HTR2C: variants seen among roughly 807,000 people sequenced by gnomAD.
The protein encoded by HTR2C is 5-hydroxytryptamine (serotonin) receptor 2C, G protein-coupled.
A neutral mutation model predicts 21.0 loss-of-function variants in HTR2C; 5 were observed. The observed-to-expected ratio is 0.24, with a 90% CI of 0.12 to 0.50. HTR2C has a LOEUF of 0.50. Ranked by LOEUF, HTR2C falls within the 20% of genes least tolerant of loss-of-function variation. HTR2C has a pLI of 0.98. For synonymous variants in HTR2C, 150 were observed against 145.3 expected (o/e 1.03, Z -0.23); for missense variants, 271 against 371.2 (o/e 0.73, Z 2.22).
At position 114,908,558 on chromosome X, in the gene HTR2C, T is replaced by C. The variant is rs1421980103; in HGVS notation, c.*1143T>C. 1.8e-5 allele frequency: 2 copies of C among 112,036 alleles called. No individual in the cohort carries two copies. Among genetic ancestry groups the C allele is most frequent in the African/African-American group, 3.2e-5 (1 of 30,780 alleles). 9.2% of individuals were successfully genotyped at this position (112,036 alleles called of 1,213,427 possible). ...ACTCGGGATTACAGAAACACGGAGTTTCCATTTGGATTTTAAACAAAATTT... is the reference window on the plus strand; with the variant it reads ...ACTCGGGATTACAGAAACACGGAGTCTCCATTTGGATTTTAAACAAAATTT... On this transcript the variant is annotated 3_prime_UTR_variant, in exon 6 of 6. Transcript: ENST00000276198.
rs144238994 is a variant in HTR2C, at chrX:114,796,705, G to T, written c.350-51298G>T. Among the ~76,000 whole-genome samples the T allele has an allele frequency of 7.6e-3, 839 of 110,807 alleles. 16 individuals carry two copies. Among genetic ancestry groups the T allele is most frequent in the Admixed American group, 0.067 (688 of 10,299 alleles). On this transcript the variant is annotated intron_variant, in intron 4 of 5. Coordinates refer to ENST00000276198, the MANE Select transcript of HTR2C (RefSeq NM_000868.4). ...CATTTGGCTCCTTGTGATGTCAAAG[G>T]GCTCCCATTCAGACAACAGATCTCT...
chrX:114,759,724 A>G (rs781837871), intron 4 of HTR2C, among the ~76,000 whole-genome samples: 1 of 111,369 alleles, frequency 9.0e-6, no homozygotes, highest in East Asian at 2.8e-4. Flanking sequence ...GCTTTGTACA[A>G]ACTCATTGAT....
At chrX:114,657,600 T>C (rs782250961) in intron 2 of HTR2C, among the ~76,000 whole-genome samples, 21 of 111,778 alleles carry the variant, frequency 1.9e-4, no homozygotes, top group African/African-American at 6.8e-4. Context: ...TCCCTTAAGA[T>C]ACAGTTTGTC....
chrX:114,690,627 C>A (rs1932077841), intron 2 of HTR2C, among the ~76,000 whole-genome samples: 1 of 111,188 alleles, frequency 9.0e-6, no homozygotes, highest in Non-Finnish European at 1.9e-5. Flanking sequence ...TTTCTTTATA[C>A]CATAATGAGC....
intron 4 of HTR2C, among the ~76,000 whole-genome samples, chrX:114,824,581 A>G (rs1438267333): frequency 1.8e-5 from 2 of 111,927 alleles, no homozygotes; most frequent in African/African-American, 6.5e-5. Context: ...CTGGGATGCT[A>G]TCGAGTTTTC....
At chrX:114,634,811 T>TA (rs1206063008) in intron 2 of HTR2C, among the ~76,000 whole-genome samples, 86 of 107,957 alleles carry the variant, frequency 8.0e-4, no homozygotes, top group African/African-American at 1.6e-3. Context: ...GACCCCATCT[T>TA]AAAAAAAAAA....
At chrX:114,763,549 G>T (rs2069903696) in intron 4 of HTR2C, among the ~76,000 whole-genome samples, 1 of 111,115 alleles carries the variant, frequency 9.0e-6, no homozygotes, top group South Asian at 3.8e-4. Flanking sequence ...GTTACTTATG[G>T]TTATCATCCA....
intron 1 of HTR2C, among the ~76,000 whole-genome samples, chrX:114,609,326 G>T (rs1170185970): frequency 9.0e-6 from 1 of 111,264 alleles, no homozygotes; most frequent in East Asian, 2.8e-4. Context: ...TAAGAAAATA[G>T]ATCCTATTAA....
At chrX:114,802,915 T>C (rs1257412143) in intron 4 of HTR2C, among the ~76,000 whole-genome samples, 1 of 65,692 alleles carries the variant, frequency 1.5e-5, no homozygotes, top group Non-Finnish European at 2.6e-5. Context: ...CAGAGTGTGA[T>C]GTTCCCCTTC....
chrX:114,682,905 G>A (rs782416526), intron 2 of HTR2C, among the ~76,000 whole-genome samples: 67 of 111,813 alleles, frequency 6.0e-4, no homozygotes, highest in Non-Finnish European at 1.1e-3. Flanking sequence ...CACTTCATTC[G>A]AAGATATCTA....
At chrX:114,718,367 G>A (rs1393747857) in intron 2 of HTR2C, among the ~76,000 whole-genome samples, 1 of 112,180 alleles carries the variant, frequency 8.9e-6, no homozygotes, top group Non-Finnish European at 1.9e-5. Context: ...GTGGAGATTC[G>A]ATTTTGGTTC....
intron 2 of HTR2C, among the ~76,000 whole-genome samples, chrX:114,646,840 G>T (rs1465513494): frequency 8.9e-6 from 1 of 111,997 alleles, no homozygotes; most frequent in Non-Finnish European, 1.9e-5. Flanking sequence ...TTTTGTATTT[G>T]ATGTGAAAGA....
intron 4 of HTR2C, among the ~76,000 whole-genome samples, chrX:114,744,142 A>T (rs1418824919): frequency 9.0e-6 from 1 of 110,749 alleles, no homozygotes; most frequent in African/African-American, 3.3e-5. Context: ...ATATATGTCA[A>T]AACATCACAT....
intron 4 of HTR2C, among the ~76,000 whole-genome samples, chrX:114,774,497 T>G (rs185051415): frequency 1.4e-3 from 155 of 112,075 alleles, no homozygotes; most frequent in Non-Finnish European, 2.4e-3. Context: ...AGGATTGCAT[T>G]TTGCTACTAA....
intron 2 of HTR2C, among the ~76,000 whole-genome samples, chrX:114,703,983 C>A (rs987729753): frequency 9.1e-5 from 10 of 110,320 alleles, no homozygotes; most frequent in Non-Finnish European, 1.9e-4. Flanking sequence ...TTCCTCGACA[C>A]ATACACCCTC....
chrX:114,822,623 T>C (rs2070644729), intron 4 of HTR2C, among the ~76,000 whole-genome samples: 2 of 112,291 alleles, frequency 1.8e-5, no homozygotes, highest in African/African-American at 6.5e-5. Flanking sequence ...TGAGATCAGC[T>C]TGAAAGGAGG....
At chrX:114,606,350 C>T (rs1928428616) in intron 1 of HTR2C, among the ~76,000 whole-genome samples, 1 of 111,491 alleles carries the variant, frequency 9.0e-6, no homozygotes, top group African/African-American at 3.3e-5. Flanking sequence ...GCGGGACTTG[C>T]CGCTTAAGGT....
chrX:114,729,984 T>C (rs2069520505), intron 3 of HTR2C, among the ~76,000 whole-genome samples: 2 of 111,966 alleles, frequency 1.8e-5, no homozygotes, highest in Admixed American at 1.9e-4. Context: ...ATATAGGAAA[T>C]GTATCCTCAT....
intron 1 of HTR2C, among the ~76,000 whole-genome samples, chrX:114,608,348 T>C (rs782290518): frequency 1.8e-5 from 2 of 111,484 alleles, no homozygotes; most frequent in South Asian, 7.6e-4. Context: ...ATAATCATCA[T>C]CACAATTTAG....
Sources: allele counts gnomAD v4.1 joint callset (sites outside exome capture counted in the v4.1 genomes callset), GRCh38; gene constraint gnomAD v4.1.1; transcripts MANE v1.5; gene names NCBI Gene and HGNC (gene_info 2026-07-23, HGNC 2026-07-21).